Variants in CCDC88C observed in about 807,000 individuals in gnomAD.
CCDC88C encodes the protein protein Daple.
A neutral mutation model predicts 198.8 loss-of-function variants in CCDC88C; 131 were observed. The observed-to-expected ratio is 0.66, with a 90% CI of 0.57 to 0.76. CCDC88C has a LOEUF of 0.76. CCDC88C is among the 30% of genes least tolerant of loss of function. The probability of loss-of-function intolerance (pLI) is 0.00; values close to 1 mark genes in which losing one functional copy is unlikely to be tolerated. For missense variants in CCDC88C, 2,553 were observed against 2,631.6 expected, an observed-to-expected ratio of 0.97 and a Z score of 0.65; for synonymous variants, 1,166 against 1,114.7, an observed-to-expected ratio of 1.05 and a Z score of -0.92.
At position 91,339,263 on chromosome 14, in the gene CCDC88C, C is replaced by A; in HGVS notation, c.809+15G>T. 6.2e-7 allele frequency: 1 copy of A among 1,611,650 alleles called. No individual in the cohort carries two copies. Among genetic ancestry groups the A allele is most frequent in the East Asian group, 2.2e-5 (1 of 44,870 alleles). On this transcript the variant is annotated intron_variant, in intron 8 of 29. Transcript: ENST00000389857. The surrounding 1 kb of genome is among the most constrained non-coding windows in gnomAD (Gnocchi z 5.8). ...GCAACACACACAAAGGTAGGAGAAG[C>A]AGCCGGGGACTCACAGCTCCTGCCT... is the stretch of plus-strand genomic sequence containing the variant.
At chr14:91,306,356 G>A (rs1483669538) in intron 18 of CCDC88C, among the ~76,000 whole-genome samples, 1 of 152,220 alleles carries the variant, frequency 6.6e-6, no homozygotes, top group Non-Finnish European at 1.5e-5. Flanking sequence ...GTAGAATAAG[G>A]CACTTCACAT....
At position 91,272,395 on chromosome 14, in the gene CCDC88C, T is replaced by C. The variant is rs934133235; in HGVS notation, c.*230A>G. Reference sequence around the variant, plus strand: ...ACGTGGATTATTTGTTCCAAAGATATCAGCTGCTGGAAGCGGCAGACACAG... The same window carrying C: ...ACGTGGATTATTTGTTCCAAAGATACCAGCTGCTGGAAGCGGCAGACACAG... On this transcript the variant is annotated 3_prime_UTR_variant, in exon 30 of 30. Transcript: ENST00000389857. The C allele has an allele frequency of 2.4e-5, 13 of 549,578 alleles. No homozygotes were observed. Among genetic ancestry groups the C allele is most frequent in the Middle Eastern group, 9.4e-4 (2 of 2,122 alleles). The allele number at this position is 549,578 out of a possible 1,614,324, so 34.0% of individuals were successfully genotyped here.
intron 3 of CCDC88C, among the ~76,000 whole-genome samples, chr14:91,382,469 C>T (rs1884868182): frequency 6.6e-6 from 1 of 152,180 alleles, no homozygotes; most frequent in African/African-American, 2.4e-5. Context: ...GAATAACAGA[C>T]CCTGAAAGGT....
At chr14:91,319,619 C>T (rs534964759) in intron 13 of CCDC88C, among the ~76,000 whole-genome samples, 2 of 152,326 alleles carry the variant, frequency 1.3e-5, no homozygotes, top group South Asian at 2.1e-4. Flanking sequence ...TCCCTGGGTC[C>T]CTATTGCATG....
At chr14:91,391,256 A>C (rs986845089) in intron 3 of CCDC88C, among the ~76,000 whole-genome samples, 17 of 143,922 alleles carry the variant, frequency 1.2e-4, no homozygotes, top group Non-Finnish European at 1.8e-4. Flanking sequence ...ACAAAACAAA[A>C]CAAAAAAAAA....
chr14:91,389,725 T>TA (rs537888866), intron 3 of CCDC88C, among the ~76,000 whole-genome samples: 29,803 of 99,264 alleles, frequency 0.3, 3,327 homozygotes, highest in Non-Finnish European at 0.35. Context: ...ATTTAAAAAA[T>TA]AAAAAAAAAA....
intron 16 of CCDC88C, among the ~76,000 whole-genome samples, chr14:91,308,783 C>T (rs886908667): frequency 6.6e-6 from 1 of 152,156 alleles, no homozygotes; most frequent in East Asian, 1.9e-4. Context: ...GAAACTGAGT[C>T]TCAGAAAGGT....
Position 91,359,767 on chromosome 14 carries a change from G to A in CCDC88C, c.271-56C>T, listed in dbSNP as rs1596110589. ...TAAGAACCGGAAACAAAAATAAAGA[G>A]GGATTAAGTAAATTACAAGTAATGA... On this transcript the variant is annotated intron_variant, in intron 3 of 29. Transcript: ENST00000389857. 7.5e-6 allele frequency: 11 copies of A among 1,476,402 alleles called. No homozygotes were observed. The East Asian group carries it at 2.6e-4, about 35-fold the overall frequency. The allele number at this position is 1,476,402 out of a possible 1,614,324, so 91.5% of individuals were successfully genotyped here. A position where few individuals can be genotyped will look rare whatever the true frequency, so the allele number is the denominator to read the frequency against.
chr14:91,272,449 T>C lies in CCDC88C; in HGVS notation c.*176A>G. On this transcript the variant is annotated 3_prime_UTR_variant, in exon 30 of 30. Coordinates refer to ENST00000389857, the MANE Select transcript of CCDC88C (RefSeq NM_001080414.4). ...ACACGTTACACACCTGGAAGCGTAA[T>C]CCTCTTGGGGCTTGGCACAGTGTTT... 1.6e-6 allele frequency: 1 copy of C among 642,196 alleles called. No homozygotes were observed. The highest frequency in any genetic ancestry group is 2.0e-5 in the South Asian group (1 of 49,990). 39.8% of individuals were successfully genotyped at this position (642,196 alleles called of 1,614,324 possible). A position where few individuals can be genotyped will look rare whatever the true frequency, so the allele number is the denominator to read the frequency against.
rs750460955 is a variant in CCDC88C, at chr14:91,321,319, C to T, written c.1343-15G>A. The T allele has an allele frequency of 3.2e-6, 5 of 1,550,110 alleles. No individual in the cohort carries two copies. The highest frequency in any genetic ancestry group is 8.7e-7 in the Non-Finnish European group (1 of 1,147,124). ...CTTCCTGGAGGCTGAAGACAAAGTC[C>T]AGTCAGAGCCCAGTGGTCTGTGGGC... On this transcript the variant is annotated splice_polypyrimidine_tract_variant and intron_variant, in intron 12 of 29. Transcript: ENST00000389857.
chr14:91,343,237 C>A (rs1277763900), intron 5 of CCDC88C, among the ~76,000 whole-genome samples: 1 of 152,200 alleles, frequency 6.6e-6, no homozygotes, highest in Admixed American at 6.5e-5. Flanking sequence ...AGATTACAGG[C>A]ATGAGCCACT....
Position 91,277,911 on chromosome 14 carries a change from G to A in CCDC88C, c.5058+11C>T, listed in dbSNP as rs930760280. On this transcript the variant is annotated intron_variant, in intron 29 of 29. Coordinates refer to ENST00000389857, the MANE Select transcript of CCDC88C (RefSeq NM_001080414.4). Reference sequence around the variant, plus strand: ...AGAGAGACGGGCCAAGTCCGTGTCCGGATCACTCACATGGGTGGGGGAGCT... The same window carrying A: ...AGAGAGACGGGCCAAGTCCGTGTCCAGATCACTCACATGGGTGGGGGAGCT... 4.7e-6 allele frequency: 7 copies of A among 1,484,108 alleles called. No individual in the cohort carries two copies. The highest frequency in any genetic ancestry group is 2.8e-5 in the African/African-American group (2 of 71,414). The allele number at this position is 1,484,108 out of a possible 1,614,324, so 91.9% of individuals were successfully genotyped here. A position where few individuals can be genotyped will look rare whatever the true frequency, so the allele number is the denominator to read the frequency against.
At chr14:91,285,289 C>A in intron 25 of CCDC88C, 1 of 324,792 alleles carries the variant, frequency 3.1e-6, no homozygotes, top group Admixed American at 3.9e-5. Flanking sequence ...AGAGGCTGTA[C>A]ATTTTAGGAA....
intron 3 of CCDC88C, among the ~76,000 whole-genome samples, chr14:91,400,882 A>G (rs1372706897): frequency 6.6e-6 from 1 of 152,214 alleles, no homozygotes; most frequent in Non-Finnish European, 1.5e-5. Flanking sequence ...ACTCCCTGCT[A>G]AGGAAATAAG....
At chr14:91,286,816 C>T (rs1890428298) in intron 25 of CCDC88C, among the ~76,000 whole-genome samples, 1 of 152,230 alleles carries the variant, frequency 6.6e-6, no homozygotes. Flanking sequence ...GTGCGGCCGA[C>T]CTGCATTTGG....
chr14:91,407,148 T>C (rs1246554154), intron 3 of CCDC88C, among the ~76,000 whole-genome samples: 1 of 151,680 alleles, frequency 6.6e-6, no homozygotes, highest in African/African-American at 2.4e-5. Context: ...CATTGTCCAC[T>C]CCCTCCCTCT....
intron 4 of CCDC88C, among the ~76,000 whole-genome samples, chr14:91,348,322 TAAAAAAAA>T (rs11449969): frequency 8.5e-6 from 1 of 117,896 alleles, no homozygotes; most frequent in African/African-American, 3.3e-5. Context: ...CTATCTCTAT[TAAAAAAAA>T]AAAAAAAAAA....
intron 3 of CCDC88C, chr14:91,384,331 G>GCAAA (rs894620488): frequency 6.8e-6 from 2 of 292,362 alleles, no homozygotes; most frequent in Non-Finnish European, 1.4e-5. Flanking sequence ...ACAAAAACAA[G>GCAAA]CAAACAAACA....
rs1893702695 is a variant in CCDC88C, at chr14:91,349,777, G to A, written c.341-6120C>T. ...ATAAGCTATATAGAAAGCTGCAGAC[G>A]TTAACAGTCATAAGCTTCCAAAACA... On this transcript the variant is annotated intron_variant, in intron 4 of 29. Coordinates refer to ENST00000389857, the MANE Select transcript of CCDC88C (RefSeq NM_001080414.4). Among the ~76,000 whole-genome samples, 4 of 152,272 alleles carry A rather than the reference G, an allele frequency of 2.6e-5. No individual in the cohort carries two copies. The South Asian group carries it at 8.3e-4, about 32-fold the overall frequency.
Sources: allele counts gnomAD v4.1 joint callset (sites outside exome capture counted in the v4.1 genomes callset), GRCh38; gene constraint gnomAD v4.1.1; non-coding constraint Gnocchi (gnomAD v3.1); transcripts MANE v1.5; gene names NCBI Gene and HGNC (gene_info 2026-07-23, HGNC 2026-07-21).